TGIF1: variants seen among roughly 807,000 people sequenced by gnomAD.
The protein encoded by TGIF1 is TGFB induced factor homeobox 1.
A neutral mutation model predicts 19.3 loss-of-function variants in TGIF1; 4 were observed. The ratio of observed to expected loss-of-function variants is 0.21; its 90% CI spans 0.10 to 0.47. The LOEUF (loss-of-function observed/expected upper bound fraction) is 0.47, where lower values mean the gene tolerates loss of function less well. TGIF1 is among the 20% of genes least tolerant of loss of function. TGIF1 has a pLI of 0.98. For synonymous variants in TGIF1, 122 were observed against 129.3 expected, an observed-to-expected ratio of 0.94 and a Z score of 0.38; for missense variants, 275 against 341.4, an observed-to-expected ratio of 0.81 and a Z score of 1.53.
intron 2 of TGIF1, among the ~76,000 whole-genome samples, chr18:3,441,767 G>C (rs2082679712): frequency 6.6e-6 from 1 of 152,100 alleles, no homozygotes; most frequent in Non-Finnish European, 1.5e-5. Flanking sequence ...ATTTATCTCT[G>C]ATATGAAAAG....
chr18:3,433,558 T>C lies in TGIF1; in HGVS notation c.-45+15343T>C, dbSNP rs141303889. On this transcript the variant is annotated intron_variant, in intron 2 of 3. Transcript: ENST00000401449. ...TTATGAAAAACCTAGAATAGTCAAA[T>C]TCATGGAGGTTAAGACGGAAAGCCT... Among the ~76,000 whole-genome samples the C allele has an allele frequency of 4.5e-3, 687 of 152,318 alleles. 3 individuals are homozygous for C. The highest frequency in any genetic ancestry group is 0.014 in the Middle Eastern group (4 of 294).
rs58052847 is a variant in TGIF1, at chr18:3,438,731, G to A, written c.-44-17623G>A. Among the ~76,000 whole-genome samples the A allele has an allele frequency of 2.6e-4, 39 of 152,164 alleles. No individual in the cohort carries two copies. The East Asian group carries it at 6.2e-3, about 24-fold the overall frequency. On this transcript the variant is annotated intron_variant, in intron 2 of 3. Coordinates refer to the TGIF1 transcript ENST00000401449. Reference sequence around the variant, plus strand: ...GATCTCAAAGTGAGATACTGATTTGGTGAACATGTTTCCTGAACCAAAAAA... The same window carrying A: ...GATCTCAAAGTGAGATACTGATTTGATGAACATGTTTCCTGAACCAAAAAA...
intron 2 of TGIF1, among the ~76,000 whole-genome samples, chr18:3,428,579 A>G (rs2082504563): frequency 6.6e-6 from 1 of 152,094 alleles, no homozygotes; most frequent in South Asian, 2.1e-4. Context: ...CCACTAAAAT[A>G]CAAAAAGATT....
chr18:3,436,484 G>A (rs1414605014), intron 2 of TGIF1, among the ~76,000 whole-genome samples: 1 of 152,184 alleles, frequency 6.6e-6, no homozygotes, highest in Admixed American at 6.6e-5. Context: ...AGTGGATGTA[G>A]GTTAGAATGT....
intron 2 of TGIF1, among the ~76,000 whole-genome samples, chr18:3,420,416 A>G (rs2082386448): frequency 6.6e-6 from 1 of 152,086 alleles, no homozygotes; most frequent in Non-Finnish European, 1.5e-5. Context: ...ACCAAACAAG[A>G]AAGAAAAAGA....
intron 1 of TGIF1, among the ~76,000 whole-genome samples, chr18:3,413,698 C>A (rs1172846711): frequency 6.6e-6 from 1 of 151,966 alleles, no homozygotes; most frequent in Non-Finnish European, 1.5e-5. Flanking sequence ...AGGGAGACCT[C>A]GTCTCTATAA....
chr18:3,454,500 T>TG (rs1436878382), intron 1 of TGIF1, among the ~76,000 whole-genome samples: 2 of 152,136 alleles, frequency 1.3e-5, no homozygotes, highest in Admixed American at 6.5e-5. Context: ...TAACACTTTT[T>TG]TTAAAAGTTC....
rs2082874271 is a variant in TGIF1, at chr18:3,450,530, A to T, written c.16+25A>T. On this transcript the variant is annotated intron_variant, in intron 1 of 2. Transcript: ENST00000343820. Reference sequence around the variant, plus strand: ...GGTAAGGCGGCCGCGGGCTGCGCGCACCAGAAGACGCGAGTCCGGGGAAAC... The same window carrying T: ...GGTAAGGCGGCCGCGGGCTGCGCGCTCCAGAAGACGCGAGTCCGGGGAAAC... The T allele has an allele frequency of 1.9e-6, 3 of 1,558,232 alleles. No individual in the cohort carries two copies. The East Asian group carries it at 7.2e-5, about 38-fold the overall frequency.
At position 3,453,270 on chromosome 18, in the gene TGIF1, A is replaced by G. The variant is rs1358763180; in HGVS notation, c.16+2765A>G. ...GAACTTCTGGTCAGGAAACTTGTTG[A>G]GTTAAATTTGCTTTTTCCTAATTGT... On this transcript the variant is annotated intron_variant, in intron 1 of 2. Transcript: ENST00000343820. Among the ~76,000 whole-genome samples the G allele has an allele frequency of 3.3e-5, 5 of 152,198 alleles. No homozygotes were observed. In the East Asian group the frequency reaches 9.7e-4, roughly 29 times the overall value.
intron 2 of TGIF1, among the ~76,000 whole-genome samples, chr18:3,426,166 C>CTT (rs10675936): frequency 0.082 from 9,549 of 116,510 alleles, 610 homozygotes; most frequent in Non-Finnish European, 0.11. Context: ...GGCTAGGGTC[C>CTT]TTTTTTTTTT....
intron 2 of TGIF1, among the ~76,000 whole-genome samples, chr18:3,430,290 A>T (rs187367784): frequency 6.6e-5 from 10 of 152,286 alleles, no homozygotes; most frequent in Non-Finnish European, 7.4e-5. Context: ...TGAGAATCCA[A>T]CTGTCTTCTA....
chr18:3,436,176 A>G (rs1022470295), intron 2 of TGIF1, among the ~76,000 whole-genome samples: 10 of 152,224 alleles, frequency 6.6e-5, no homozygotes, highest in African/African-American at 2.4e-4. Context: ...ATATTTGTCA[A>G]TATTTGTCAA....
chr18:3,449,855 C>A, upstream of TGIF1: 2 of 985,448 alleles, frequency 2.0e-6, no homozygotes, highest in Non-Finnish European at 2.4e-6. Flanking sequence ...CCGAACCAAA[C>A]GCACCCTCGC....
chr18:3,437,909 C>A (rs1395201652), intron 2 of TGIF1, among the ~76,000 whole-genome samples: 1 of 152,110 alleles, frequency 6.6e-6, no homozygotes, highest in Non-Finnish European at 1.5e-5. Context: ...CATGGTGAAA[C>A]CCCATCTCTA....
chr18:3,420,603 T>C (rs76497762), intron 2 of TGIF1, among the ~76,000 whole-genome samples: 8,311 of 152,222 alleles, frequency 0.055, 741 homozygotes, highest in African/African-American at 0.19. Context: ...CTATACGTTG[T>C]TTACAAGAAA....
At chr18:3,450,615 C>CA in intron 1 of TGIF1, 110 bp downstream of exon 1, 1 of 1,541,328 alleles carries the variant, frequency 6.5e-7, no homozygotes, top group Non-Finnish European at 8.7e-7. Context: ...CAGGGGCTCT[C>CA]ATGCTGGAGT....
chr18:3,448,947 C>G (rs1415035750), upstream of TGIF1, among the ~76,000 whole-genome samples: 1 of 152,062 alleles, frequency 6.6e-6, no homozygotes, highest in Non-Finnish European at 1.5e-5. Context: ...GGCTTATTTA[C>G]GTTTAGGGCT....
intron 2 of TGIF1, among the ~76,000 whole-genome samples, chr18:3,441,308 A>C (rs2082675678): frequency 6.6e-6 from 1 of 152,192 alleles, no homozygotes; most frequent in African/African-American, 2.4e-5. Context: ...ATAAACATTT[A>C]TATCTCATCA....
intron 1 of TGIF1, among the ~76,000 whole-genome samples, chr18:3,452,929 T>A (rs192379195): frequency 6.6e-6 from 1 of 152,190 alleles, no homozygotes; most frequent in Non-Finnish European, 1.5e-5. Flanking sequence ...TAAAATGACT[T>A]AAAAACAATG....
Sources: allele counts gnomAD v4.1 joint callset (sites outside exome capture counted in the v4.1 genomes callset), GRCh38; gene constraint gnomAD v4.1.1; transcripts MANE v1.5; gene names NCBI Gene and HGNC (gene_info 2026-07-23, HGNC 2026-07-21).